The following CDC42BPA variants were observed in gnomAD, a reference collection of about 807,000 sequenced individuals.
CDC42BPA encodes CDC42 binding protein kinase alpha, also known as serine/threonine-protein kinase MRCK alpha.
CDC42BPA carries 80 observed loss-of-function variants against 223.5 expected under a neutral mutation model. The observed-to-expected ratio is 0.36, with a 90% CI of 0.30 to 0.43. The LOEUF is 0.43. Ranked by LOEUF, CDC42BPA falls within the 20% of genes least tolerant of loss-of-function variation. The pLI, the probability that CDC42BPA is intolerant of heterozygous loss-of-function variation, is 1.00. For missense variants in CDC42BPA, 1,743 were observed against 2,099.9 expected (o/e 0.83, Z 3.32); for synonymous variants, 694 against 718.6 (o/e 0.97, Z 0.55).
chr1:227,105,510 T>C (rs890859189), intron 14 of CDC42BPA, among the ~76,000 whole-genome samples: 2 of 151,798 alleles, frequency 1.3e-5, no homozygotes, highest in Non-Finnish European at 2.9e-5. Context: ...TCTACCACCA[T>C]GCCCAGCTAA....
chr1:227,101,314 TA>T, intron 14 of CDC42BPA, 75 bp from the exon 15 acceptor site: 1 of 892,310 alleles, frequency 1.1e-6, no homozygotes, highest in South Asian at 2.3e-5. Context: ...TTCTGTAATA[TA>T]AATGAGTATT....
chr1:227,086,664 T>C (rs1681975131), intron 16 of CDC42BPA, among the ~76,000 whole-genome samples: 1 of 151,272 alleles, frequency 6.6e-6, no homozygotes, highest in Non-Finnish European at 1.5e-5. Flanking sequence ...GAGTTGTTTA[T>C]ATTTTAAGAG....
intron 17 of CDC42BPA, among the ~76,000 whole-genome samples, chr1:227,076,199 T>C (rs1679426705): frequency 6.6e-6 from 1 of 152,114 alleles, no homozygotes; most frequent in Non-Finnish European, 1.5e-5. Context: ...TATTTGTCTA[T>C]TTTTCCACCT....
At chr1:227,296,074 AAC>A (rs1404131759) in intron 1 of CDC42BPA, among the ~76,000 whole-genome samples, 1 of 152,206 alleles carries the variant, frequency 6.6e-6, no homozygotes, top group African/African-American at 2.4e-5. Context: ...AACCTGGAAA[AAC>A]AGTTTAGAGG....
Position 227,017,562 on chromosome 1 carries a change from G to A in CDC42BPA, c.4616-512C>T, listed in dbSNP as rs190995071. On this transcript the variant is annotated intron_variant, in intron 32 of 36. Transcript: ENST00000366766. ...TTGCAAGGTTCAGTCTATGAGATAC[G>A]GAGTAAAAAGAAGGAGCTGTGCTTC... Among the ~76,000 whole-genome samples, 7 of 152,158 alleles carry A rather than the reference G, an allele frequency of 4.6e-5. No homozygotes were observed. In the East Asian group the frequency reaches 1.2e-3, roughly 25 times the overall value.
intron 27 of CDC42BPA, among the ~76,000 whole-genome samples, chr1:227,032,208 A>G (rs1669415515): frequency 6.6e-6 from 1 of 152,230 alleles, no homozygotes; most frequent in Admixed American, 6.5e-5. Context: ...ACCTATATGA[A>G]TTCCTTATCA....
intron 1 of CDC42BPA, among the ~76,000 whole-genome samples, chr1:227,296,957 TGAA>T (rs1690753015): frequency 6.6e-6 from 1 of 152,110 alleles, no homozygotes; most frequent in South Asian, 2.1e-4. Flanking sequence ...CCAGAATGTA[TGAA>T]GAACTCTAAC....
intron 5 of CDC42BPA, chr1:227,180,519 G>A (rs1667754567): frequency 2.0e-5 from 3 of 152,052 alleles, no homozygotes. Context: ...CAGTTTGAAG[G>A]CAAAGTGTGC....
At chr1:227,179,635 CAAAAAAAAAAA>C (rs59744442) in intron 5 of CDC42BPA, among the ~76,000 whole-genome samples, 18 of 34,242 alleles carry the variant, frequency 5.3e-4, no homozygotes, top group Admixed American at 3.0e-3. Flanking sequence ...GCCTCCATCT[CAAAAAAAAAAA>C]AAAAAAAAAA....
intron 10 of CDC42BPA, among the ~76,000 whole-genome samples, chr1:227,135,640 G>A (rs1658334665): frequency 6.6e-6 from 1 of 151,966 alleles, no homozygotes; most frequent in South Asian, 2.1e-4. Flanking sequence ...GGATCACGAG[G>A]TCAGGAGATC....
rs944900212 is a variant in CDC42BPA, at chr1:226,995,911, C to T, written c.4976-931G>A. On this transcript the variant is annotated intron_variant, in intron 35 of 36. Transcript: ENST00000366766. Reference sequence around the variant, plus strand: ...AAGGTACAGGTTGTGCTTGTTTCAACTTTTTGCGGGTTTAACATGTCTCAA... The same window carrying T: ...AAGGTACAGGTTGTGCTTGTTTCAATTTTTTGCGGGTTTAACATGTCTCAA... 3.3e-5 allele frequency among the ~76,000 whole-genome samples: 5 copies of T among 152,210 alleles called. No homozygotes were observed. The South Asian group carries it at 1.0e-3, about 32-fold the overall frequency.
At chr1:226,996,699 T>G (rs1463040040) in intron 35 of CDC42BPA, among the ~76,000 whole-genome samples, 5 of 152,254 alleles carry the variant, frequency 3.3e-5, no homozygotes, top group Non-Finnish European at 5.9e-5. Flanking sequence ...AGGCCTTTTC[T>G]GCATCTATTG....
chr1:227,143,077 G>T, intron 8 of CDC42BPA, 53 bp from the exon 9 acceptor site: 1 of 1,156,872 alleles, frequency 8.6e-7, no homozygotes, highest in Non-Finnish European at 1.2e-6. Flanking sequence ...TGATCTGTAG[G>T]CTTGGCTATA....
chr1:227,214,044 G>A (rs1448435310), intron 2 of CDC42BPA, among the ~76,000 whole-genome samples: 1 of 152,018 alleles, frequency 6.6e-6, no homozygotes, highest in African/African-American at 2.4e-5. Flanking sequence ...CACAAAAGAG[G>A]AAAACAAAGG....
chr1:227,239,481 C>G (rs1679657331), intron 2 of CDC42BPA, among the ~76,000 whole-genome samples: 1 of 152,006 alleles, frequency 6.6e-6, no homozygotes. Flanking sequence ...CATTCTGGTT[C>G]AGTGTTTTGG....
rs759666049 is a variant in CDC42BPA at position 227,245,284 on chromosome 1, C to CTTTTTTTTT, written c.270+8771_270+8779dup. ...GAGTAAAGAGGACTTTGTCTTGCATCTTTTTTTTTTTTTTTTTTTTTTTGA... is the reference window on the plus strand; with the variant it reads ...GAGTAAAGAGGACTTTGTCTTGCATCTTTTTTTTTTTTTTTTTTTTTTTTTTTTTTTTGA... On this transcript the variant is annotated intron_variant, in intron 2 of 36. Transcript: ENST00000366766. Among the ~76,000 whole-genome samples, 730 of 81,706 alleles carry CTTTTTTTTT rather than the reference C, an allele frequency of 8.9e-3. 29 individuals are homozygous for CTTTTTTTTT. Among genetic ancestry groups the CTTTTTTTTT allele is most frequent in the African/African-American group, 0.02 (375 of 18,784 alleles). 53.6% of individuals were successfully genotyped at this position (81,706 alleles called of 152,430 possible). A position where few individuals can be genotyped will look rare whatever the true frequency, so the allele number is the denominator to read the frequency against.
intron 1 of CDC42BPA, among the ~76,000 whole-genome samples, chr1:227,279,274 A>G (rs983231469): frequency 6.6e-6 from 1 of 152,130 alleles, no homozygotes; most frequent in African/African-American, 2.4e-5. Context: ...TAAAATTCAA[A>G]CTACTATCTT....
chr1:227,156,526 T>C (rs1662847009), intron 6 of CDC42BPA, among the ~76,000 whole-genome samples: 1 of 151,696 alleles, frequency 6.6e-6, no homozygotes, highest in African/African-American at 2.4e-5. Flanking sequence ...AACTTGATAT[T>C]ATGTCCAAGA....
chr1:227,198,438 CAAA>C (rs1176604134), intron 4 of CDC42BPA, among the ~76,000 whole-genome samples: 7 of 51,522 alleles, frequency 1.4e-4, no homozygotes, highest in Non-Finnish European at 2.3e-4. Flanking sequence ...ATCCAGCAAA[CAAA>C]AAAAAAAAAA....
Sources: gnomAD v4.1 joint callset for allele counts (sites outside exome capture counted in the v4.1 genomes callset) on GRCh38, gnomAD v4.1.1 for gene constraint, MANE v1.5 for transcripts, NCBI Gene and HGNC (gene_info 2026-07-23, HGNC 2026-07-21) for gene names.